GNAQ: variants seen among roughly 807,000 people sequenced by gnomAD.
The protein encoded by GNAQ is G protein subunit alpha q, also known as guanine nucleotide-binding protein G(q) subunit alpha.
A neutral mutation model predicts 43.9 loss-of-function variants in GNAQ; 8 were observed. The ratio of observed to expected loss-of-function variants is 0.18; its 90% CI spans 0.11 to 0.33. The LOEUF is 0.33. Ranked by LOEUF, GNAQ falls within the 10% of genes least tolerant of loss-of-function variation. The pLI is 1.00. For synonymous variants in GNAQ, 155 were observed against 170.7 expected (o/e 0.91, Z 0.71); for missense variants, 158 against 450.8 (o/e 0.35, Z 5.88).
At chr9:77,808,847 C>T (rs2118492930) in intron 3 of GNAQ, among the ~76,000 whole-genome samples, 1 of 151,698 alleles carries the variant, frequency 6.6e-6, no homozygotes, top group East Asian at 1.9e-4. Flanking sequence ...CTTCAAAAGC[C>T]TGGAGTAGGC....
rs546967760 is a variant in GNAQ at position 77,918,662 on chromosome 9, T to C, written c.321+3499A>G. ...CACTCAAGCTAAATTGGCAGATTTCTACATCCCATGCAAATTCCTTCTTCT... is the reference window on the plus strand; with the variant it reads ...CACTCAAGCTAAATTGGCAGATTTCCACATCCCATGCAAATTCCTTCTTCT... On this transcript the variant is annotated intron_variant, in intron 2 of 6. Coordinates refer to ENST00000286548, the MANE Select transcript of GNAQ (RefSeq NM_002072.5). Among the ~76,000 whole-genome samples the C allele has an allele frequency of 7.9e-5, 12 of 152,330 alleles. No individual in the cohort carries two copies. The South Asian group carries it at 1.9e-3, about 24-fold the overall frequency.
At chr9:77,975,616 T>C (rs947362426) in intron 1 of GNAQ, among the ~76,000 whole-genome samples, 1 of 147,900 alleles carries the variant, frequency 6.8e-6, no homozygotes, top group Non-Finnish European at 1.5e-5. Context: ...CTCGGTTCAC[T>C]GCAACCTCCT....
At chr9:77,754,539 A>G (rs985713138) in intron 5 of GNAQ, among the ~76,000 whole-genome samples, 1 of 152,190 alleles carries the variant, frequency 6.6e-6, no homozygotes, top group Non-Finnish European at 1.5e-5. Flanking sequence ...TGTCATAATC[A>G]CACTCTTCCT....
intron 1 of GNAQ, among the ~76,000 whole-genome samples, chr9:77,998,295 A>G (rs1210570648): frequency 6.6e-6 from 1 of 152,258 alleles, no homozygotes; most frequent in Non-Finnish European, 1.5e-5. Context: ...TTTTGTCTGC[A>G]GCATTTTTAA....
At chr9:77,794,994 T>G (rs890211103) in intron 4 of GNAQ, among the ~76,000 whole-genome samples, 5 of 152,190 alleles carry the variant, frequency 3.3e-5, no homozygotes, top group Admixed American at 6.5e-5. Flanking sequence ...AAGATCCTCA[T>G]GTATTTCTTA....
intron 5 of GNAQ, among the ~76,000 whole-genome samples, chr9:77,732,731 C>G (rs1389128858): frequency 6.6e-6 from 1 of 152,196 alleles, no homozygotes; most frequent in Non-Finnish European, 1.5e-5. Context: ...GGCCTAGACT[C>G]TGTGTGAGGC....
At chr9:77,932,586 G>A (rs918109149) in intron 1 of GNAQ, among the ~76,000 whole-genome samples, 2 of 152,184 alleles carry the variant, frequency 1.3e-5, no homozygotes, top group African/African-American at 4.8e-5. Flanking sequence ...TGGAGGCTGA[G>A]GTGGGAACAT....
At chr9:77,835,599 T>A (rs1827371353) in intron 2 of GNAQ, among the ~76,000 whole-genome samples, 1 of 152,232 alleles carries the variant, frequency 6.6e-6, no homozygotes, top group Non-Finnish European at 1.5e-5. Flanking sequence ...GAGCATGGAC[T>A]GTGCACCAGG....
In GNAQ at chr9:77,751,447, A is replaced by C. The variant is rs1344968624; in HGVS notation, c.736-22780T>G. ...CAGTAAAATGAAAAGCAGATGCTGT[A>C]ATTTTCACGTAATAAATTCATATGC... is the stretch of plus-strand genomic sequence containing the variant. On this transcript the variant is annotated intron_variant, in intron 5 of 6. Coordinates refer to ENST00000286548, the MANE Select transcript of GNAQ (RefSeq NM_002072.5). 2.0e-5 allele frequency among the ~76,000 whole-genome samples: 3 copies of C among 152,332 alleles called. No homozygotes were observed. In the East Asian group the frequency reaches 5.8e-4, roughly 29 times the overall value.
intron 1 of GNAQ, among the ~76,000 whole-genome samples, chr9:77,962,066 A>C (rs924693998): frequency 1.3e-5 from 2 of 152,180 alleles, no homozygotes; most frequent in East Asian, 3.9e-4. Flanking sequence ...ATAAGAGCAG[A>C]TGAGACTGAA....
At chr9:77,916,931 A>G (rs1828916953) in intron 2 of GNAQ, among the ~76,000 whole-genome samples, 1 of 152,216 alleles carries the variant, frequency 6.6e-6, no homozygotes. Context: ...TGAAATTGCC[A>G]CAATACCACC....
chr9:78,021,046 T>G (rs981448274), intron 1 of GNAQ, among the ~76,000 whole-genome samples: 1 of 77,776 alleles, frequency 1.3e-5, no homozygotes, highest in Non-Finnish European at 2.7e-5. Context: ...AGGAAGCTGC[T>G]TTTTTTTTTT....
chr9:78,002,133 T>C (rs1823651337), intron 1 of GNAQ, among the ~76,000 whole-genome samples: 1 of 152,222 alleles, frequency 6.6e-6, no homozygotes, highest in East Asian at 1.9e-4. Context: ...CAGTCAACCA[T>C]TCCACATAAT....
chr9:77,948,566 TG>T (rs1286412104), intron 1 of GNAQ, among the ~76,000 whole-genome samples: 1 of 152,162 alleles, frequency 6.6e-6, no homozygotes, highest in Non-Finnish European at 1.5e-5. Flanking sequence ...CCTAGGCCTG[TG>T]CATGCAAGAA....
chr9:77,913,808 G>T (rs2118228461), intron 2 of GNAQ, among the ~76,000 whole-genome samples: 1 of 152,198 alleles, frequency 6.6e-6, no homozygotes, highest in East Asian at 1.9e-4. Context: ...TATTGACCCA[G>T]ATCAAAAAAT....
At chr9:77,964,381 T>A (rs951881462) in intron 1 of GNAQ, among the ~76,000 whole-genome samples, 1 of 152,166 alleles carries the variant, frequency 6.6e-6, no homozygotes, top group Admixed American at 6.5e-5. Context: ...AGAAAAGCAA[T>A]AAACCAAGTA....
intron 1 of GNAQ, among the ~76,000 whole-genome samples, chr9:77,943,889 A>G (rs1457234690): frequency 6.6e-6 from 1 of 151,530 alleles, no homozygotes; most frequent in Non-Finnish European, 1.5e-5. Flanking sequence ...CTGGTCTCCA[A>G]CTCCCTACCT....
intron 2 of GNAQ, among the ~76,000 whole-genome samples, chr9:77,832,583 C>T (rs1371278788): frequency 6.6e-6 from 1 of 152,200 alleles, no homozygotes; most frequent in Non-Finnish European, 1.5e-5. Context: ...AAAACATGAC[C>T]TTGGTAGTAC....
intron 1 of GNAQ, among the ~76,000 whole-genome samples, chr9:78,012,713 A>AAT (rs1216705614): frequency 3.9e-5 from 6 of 152,148 alleles, no homozygotes; most frequent in South Asian, 2.1e-4. Flanking sequence ...TGCAGACACA[A>AAT]ATATATATAT....
Sources: gnomAD v4.1 joint callset for allele counts (sites outside exome capture counted in the v4.1 genomes callset) on GRCh38, gnomAD v4.1.1 for gene constraint, MANE v1.5 for transcripts, NCBI Gene and HGNC (gene_info 2026-07-23, HGNC 2026-07-21) for gene names.